The following MALRD1 variants were observed in gnomAD, a reference collection of about 807,000 sequenced individuals.
The protein encoded by MALRD1 is MAM and LDL-receptor class A domain-containing protein 1.
Under a neutral mutation model 242.1 loss-of-function variants are expected in MALRD1, and 247 were observed. That is an observed-to-expected ratio of 1.02 (90% CI 0.92 to 1.13). MALRD1 has a LOEUF of 1.13. Among genes scored for constraint, MALRD1 ranks in the 50% most tolerant of loss-of-function variants. MALRD1 has a pLI of 0.00. For missense variants in MALRD1, 2,989 were observed against 2,533.1 expected (o/e 1.18, Z -3.86); for synonymous variants, 995 against 866.6 (o/e 1.15, Z -2.60).
At chr10:19,408,666 A>G (rs1402453770) in intron 28 of MALRD1, among the ~76,000 whole-genome samples, 1 of 152,222 alleles carries the variant, frequency 6.6e-6, no homozygotes, top group Non-Finnish European at 1.5e-5. Flanking sequence ...AAAAACATGA[A>G]AAGGTTTTCA....
chr10:19,332,051 A>T (rs2130924104), intron 24 of MALRD1, among the ~76,000 whole-genome samples: 1 of 152,082 alleles, frequency 6.6e-6, no homozygotes. Flanking sequence ...TTTTTAGTAG[A>T]GGTGGGGTTT....
At chr10:19,262,377 C>T (rs868584051) in intron 19 of MALRD1, among the ~76,000 whole-genome samples, 13 of 151,898 alleles carry the variant, frequency 8.6e-5, no homozygotes, top group Middle Eastern at 3.4e-3. Flanking sequence ...AGAACTTGGC[C>T]GGGCCCGGTG....
rs1837344490 is a variant in MALRD1, at chr10:19,128,274, A to T, written c.997A>T (p.Ser333Cys). 1 of 1,233,482 alleles carries T rather than the reference A, an allele frequency of 8.1e-7. No homozygotes were observed. The highest frequency in any genetic ancestry group is 4.2e-5 in the Admixed American group (1 of 23,698). The allele number at this position is 1,233,482 out of a possible 1,614,324, so 76.4% of individuals were successfully genotyped here. A position where few individuals can be genotyped will look rare whatever the true frequency, so the allele number is the denominator to read the frequency against. ...TGGTTTCACTCTTAACCATTTAGACAGCAGGGCTTACCTAAATAGCTCTGT... is the reference window on the plus strand; with the variant it reads ...TGGTTTCACTCTTAACCATTTAGACTGCAGGGCTTACCTAAATAGCTCTGT... ...KHGFTLNHLD[S>C]RAYLNSSVCH... Residue 333 changes from serine to cysteine, a missense_variant, in exon 8 of 40, where the codon AGC becomes TGC. Ser to Cys is a moderately radical substitution (Grantham distance 112). Coordinates refer to ENST00000454679, the MANE Select transcript of MALRD1 (RefSeq NM_001142308.3).
intron 36 of MALRD1, among the ~76,000 whole-genome samples, chr10:19,676,713 C>T (rs1842152118): frequency 6.6e-6 from 1 of 152,064 alleles, no homozygotes; most frequent in South Asian, 2.1e-4. Context: ...GCAGGATATG[C>T]AGGTTTGTTA....
chr10:19,634,519 T>G (rs565127453), intron 36 of MALRD1, among the ~76,000 whole-genome samples: 29 of 152,264 alleles, frequency 1.9e-4, no homozygotes, highest in African/African-American at 6.0e-4. Flanking sequence ...TTAAAGATCA[T>G]GGAAGACAAA....
intron 33 of MALRD1, among the ~76,000 whole-genome samples, chr10:19,586,797 G>C (rs1011769034): frequency 1.3e-5 from 2 of 152,234 alleles, no homozygotes; most frequent in Non-Finnish European, 2.9e-5. Context: ...AAGCAAGCCT[G>C]GGCAATGGCA....
chr10:19,470,782 A>AT (rs112023912), intron 29 of MALRD1, among the ~76,000 whole-genome samples: 130,194 of 151,312 alleles, frequency 0.86, 56,169 homozygotes, highest in East Asian at 1. Flanking sequence ...GTTAATTATT[A>AT]TTTTTTTTCT....
intron 26 of MALRD1, among the ~76,000 whole-genome samples, chr10:19,358,224 G>GTA: frequency 6.6e-6 from 1 of 151,606 alleles, no homozygotes; most frequent in East Asian, 1.9e-4. Context: ...GTGTGTGTGT[G>GTA]TGTGTGTATG....
intron 1 of MALRD1, among the ~76,000 whole-genome samples, chr10:19,059,469 C>G (rs1430483769): frequency 6.6e-6 from 1 of 152,072 alleles, no homozygotes; most frequent in African/African-American, 2.4e-5. Flanking sequence ...CTCACTGCAA[C>G]CTCTGCCTCC....
intron 14 of MALRD1, among the ~76,000 whole-genome samples, chr10:19,200,657 T>TTTTGTTTTG (rs1836485447): frequency 3.4e-5 from 5 of 145,824 alleles, no homozygotes; most frequent in African/African-American, 1.3e-4. Flanking sequence ...TTTTTTTTTT[T>TTTTGTTTTG]TTTTTTTTTT....
intron 1 of MALRD1, 30 bp downstream of exon 1, chr10:19,049,167 A>C (rs1482490178): frequency 1.4e-5 from 17 of 1,232,908 alleles, no homozygotes; most frequent in Non-Finnish European, 1.6e-5. Context: ...CTCCAATTTC[A>C]ATTCCCCGTA....
intron 36 of MALRD1, among the ~76,000 whole-genome samples, chr10:19,669,466 A>G (rs1221944268): frequency 6.6e-6 from 1 of 152,174 alleles, no homozygotes; most frequent in Non-Finnish European, 1.5e-5. Flanking sequence ...AGACCCTGAG[A>G]GCAAGCCTTT....
At chr10:19,303,573 A>G (rs2131964034) in intron 21 of MALRD1, among the ~76,000 whole-genome samples, 1 of 151,876 alleles carries the variant, frequency 6.6e-6, no homozygotes, top group Admixed American at 6.6e-5. Flanking sequence ...TATCCAATGG[A>G]AATATAAGGC....
intron 38 of MALRD1, chr10:19,711,312 G>T (rs759623707): frequency 3.3e-5 from 5 of 152,130 alleles, no homozygotes; most frequent in Non-Finnish European, 7.3e-5. Flanking sequence ...AAACACATAA[G>T]TCAGAAACTC....
intron 29 of MALRD1, among the ~76,000 whole-genome samples, chr10:19,467,393 A>AAAAAC (rs1564367375): frequency 7.9e-5 from 2 of 25,418 alleles, no homozygotes; most frequent in Admixed American, 9.2e-4. Context: ...ACTCCGTCTC[A>AAAAAC]AAAAAAAAAA....
chr10:19,326,917 T>C (rs1212528732), intron 22 of MALRD1, among the ~76,000 whole-genome samples: 1 of 152,150 alleles, frequency 6.6e-6, no homozygotes, highest in Non-Finnish European at 1.5e-5. Flanking sequence ...GAGCCTTAGT[T>C]ACTCTCTTCA....
intron 2 of MALRD1, among the ~76,000 whole-genome samples, chr10:19,075,933 G>A (rs567229697): frequency 2.6e-5 from 4 of 152,014 alleles, no homozygotes; most frequent in African/African-American, 9.6e-5. Flanking sequence ...TGCTAATAAC[G>A]AACATTTGCA....
chr10:19,220,663 G>A (rs1265105744), intron 18 of MALRD1, among the ~76,000 whole-genome samples: 3 of 152,072 alleles, frequency 2.0e-5, no homozygotes, highest in South Asian at 2.1e-4. Context: ...TTAACGAATC[G>A]ATGGCTTCAT....
chr10:19,427,506 G>T (rs1012005506), intron 28 of MALRD1, among the ~76,000 whole-genome samples: 1 of 152,076 alleles, frequency 6.6e-6, no homozygotes, highest in Non-Finnish European at 1.5e-5. Flanking sequence ...ACCATGTCTC[G>T]CAGATGGCCT....
Sources: gnomAD v4.1 joint callset for allele counts (sites outside exome capture counted in the v4.1 genomes callset) on GRCh38, gnomAD v4.1.1 for gene constraint, MANE v1.5 for transcripts, NCBI Gene and HGNC (gene_info 2026-07-23, HGNC 2026-07-21) for gene names.